MACROD2: variants seen among roughly 807,000 people sequenced by gnomAD.
MACROD2 encodes the protein ADP-ribose glycohydrolase MACROD2.
Under a neutral mutation model 70.4 loss-of-function variants are expected in MACROD2, and 36 were observed. The observed-to-expected ratio is 0.51, with a 90% CI of 0.39 to 0.68. MACROD2 has a LOEUF of 0.68. Ranked by LOEUF, MACROD2 falls within the 30% of genes least tolerant of loss-of-function variation. The probability of loss-of-function intolerance (pLI) is 0.00; values close to 1 mark genes in which losing one functional copy is unlikely to be tolerated. For synonymous variants in MACROD2, 172 were observed against 178.8 expected (o/e 0.96, Z 0.30); for missense variants, 496 against 538.4 (o/e 0.92, Z 0.78).
chr20:14,683,732 A>G (rs2070963846), intron 4 of MACROD2, among the ~76,000 whole-genome samples: 1 of 152,184 alleles, frequency 6.6e-6, no homozygotes, highest in Admixed American at 6.5e-5. Flanking sequence ...GATAATGATA[A>G]TAAAGATCAA....
chr20:14,648,910 C>T (rs1296907707), intron 4 of MACROD2, among the ~76,000 whole-genome samples: 1 of 152,170 alleles, frequency 6.6e-6, no homozygotes, highest in African/African-American at 2.4e-5. Flanking sequence ...TCCTTTCTCT[C>T]ATCTGGAAAA....
chr20:14,535,267 G>C (rs529835921), intron 4 of MACROD2, among the ~76,000 whole-genome samples: 231 of 152,240 alleles, frequency 1.5e-3, no homozygotes, highest in African/African-American at 5.2e-3. Context: ...ACTTTGGGAG[G>C]CTGAGGCGGG....
At chr20:14,422,796 A>C (rs2083890052) in intron 3 of MACROD2, among the ~76,000 whole-genome samples, 1 of 152,242 alleles carries the variant, frequency 6.6e-6, no homozygotes, top group Non-Finnish European at 1.5e-5. Context: ...AAATAGAGTC[A>C]CAAACCAAAA....
In MACROD2 at chr20:13,995,758, G is replaced by T. The variant is rs200598669; in HGVS notation, c.-6G>T. 1 of 1,376,724 alleles carries T rather than the reference G, an allele frequency of 7.3e-7. No homozygotes were observed. The highest frequency in any genetic ancestry group is 1.5e-5 in the African/African-American group (1 of 66,932). The allele number at this position is 1,376,724 out of a possible 1,614,324, so 85.3% of individuals were successfully genotyped here. ...GCAGCTTAAAGCCAGCCACCCCCAC[G>T]GCAACATGTACCCCAGCAACAAGAA... On this transcript the variant is annotated 5_prime_UTR_variant, in exon 1 of 18. Coordinates refer to ENST00000684519, the MANE Select transcript of MACROD2 (RefSeq NM_001351661.2). This position sits in a 1 kb window ranked among gnomAD's most constrained non-coding sequence, Gnocchi z 4.3.
intron 6 of MACROD2, among the ~76,000 whole-genome samples, chr20:15,237,805 A>G (rs1250217180): frequency 6.7e-6 from 1 of 149,776 alleles, no homozygotes; most frequent in South Asian, 2.1e-4. Flanking sequence ...TTTTTTTTTT[A>G]TCTTTCCCCC....
At chr20:14,857,810 G>GTTTGTCTTGTTTTGT (rs2073271407) in intron 5 of MACROD2, among the ~76,000 whole-genome samples, 1 of 151,022 alleles carries the variant, frequency 6.6e-6, no homozygotes, top group African/African-American at 2.4e-5. Flanking sequence ...TGCTTTTTTT[G>GTTTGTCTTGTTTTGT]TTTGTTTTGT....
At chr20:15,752,550 C>G (rs2051288565) in intron 8 of MACROD2, among the ~76,000 whole-genome samples, 1 of 152,128 alleles carries the variant, frequency 6.6e-6, no homozygotes, top group African/African-American at 2.4e-5. Context: ...ACCAGTTTCT[C>G]TATCAAAGGT....
intron 8 of MACROD2, among the ~76,000 whole-genome samples, chr20:15,632,893 C>T (rs1439454006): frequency 6.6e-6 from 1 of 151,302 alleles, no homozygotes; most frequent in Non-Finnish European, 1.5e-5. Flanking sequence ...TCCCTTCCAT[C>T]CTTCTTTCGT....
At chr20:15,835,268 A>G (rs1209650191) in intron 8 of MACROD2, among the ~76,000 whole-genome samples, 1 of 152,178 alleles carries the variant, frequency 6.6e-6, no homozygotes, top group Non-Finnish European at 1.5e-5. Context: ...TAATTCAGTA[A>G]TTACTTATTG....
chr20:14,118,155 A>G (rs6042540), intron 3 of MACROD2, among the ~76,000 whole-genome samples: 151,380 of 152,354 alleles, frequency 0.99, 75,215 homozygotes, highest in East Asian at 1. Context: ...TATATTAACC[A>G]TTTGTGGTAT....
At chr20:15,738,834 T>A (rs1298148599) in intron 8 of MACROD2, among the ~76,000 whole-genome samples, 1 of 152,038 alleles carries the variant, frequency 6.6e-6, no homozygotes, top group Admixed American at 6.6e-5. Context: ...TTGAAACAGA[T>A]GTTCTGTCGG....
chr20:15,510,498 T>C, intron 8 of MACROD2, among the ~76,000 whole-genome samples: 1 of 152,160 alleles, frequency 6.6e-6, no homozygotes, highest in East Asian at 1.9e-4. Context: ...CTAGTGGAAG[T>C]AAATGATTTG....
intron 5 of MACROD2, among the ~76,000 whole-genome samples, chr20:15,177,406 T>C (rs2076470438): frequency 1.3e-5 from 2 of 152,354 alleles, no homozygotes; most frequent in Admixed American, 6.5e-5. Context: ...ATTGTCATTG[T>C]GTATGCATTT....
intron 5 of MACROD2, among the ~76,000 whole-genome samples, chr20:14,834,396 G>C (rs1248820406): frequency 1.3e-5 from 2 of 151,874 alleles, no homozygotes; most frequent in Non-Finnish European, 1.5e-5. Context: ...GCCTTGTCAT[G>C]AATCAGTTTA....
intron 5 of MACROD2, among the ~76,000 whole-genome samples, chr20:15,030,480 G>C (rs1383639803): frequency 6.6e-6 from 1 of 152,136 alleles, no homozygotes; most frequent in African/African-American, 2.4e-5. Flanking sequence ...TCTACACAAT[G>C]TCCCAGAAAT....
At chr20:14,026,862 G>A (rs1373011947) in intron 2 of MACROD2, among the ~76,000 whole-genome samples, 1 of 152,182 alleles carries the variant, frequency 6.6e-6, no homozygotes, top group Admixed American at 6.5e-5. Context: ...AGGGGCGGCT[G>A]TGAGTGCAGC....
At chr20:14,655,498 C>T (rs541767302) in intron 4 of MACROD2, among the ~76,000 whole-genome samples, 88 of 152,066 alleles carry the variant, frequency 5.8e-4, no homozygotes, top group African/African-American at 2.0e-3. Context: ...TTGGTCGGGT[C>T]TTGGTGTTAA....
At chr20:14,926,692 A>G (rs2074237141) in intron 5 of MACROD2, among the ~76,000 whole-genome samples, 1 of 152,188 alleles carries the variant, frequency 6.6e-6, no homozygotes. Context: ...AATCAGAGCC[A>G]ACCCAGAGTG....
chr20:15,761,575 T>G (rs1288258200), intron 8 of MACROD2, among the ~76,000 whole-genome samples: 1 of 152,186 alleles, frequency 6.6e-6, no homozygotes, highest in Non-Finnish European at 1.5e-5. Flanking sequence ...TACACGTATA[T>G]CCACATTTTG....
Sources: gnomAD v4.1 joint callset for allele counts (sites outside exome capture counted in the v4.1 genomes callset) on GRCh38, gnomAD v4.1.1 for gene constraint, Gnocchi (gnomAD v3.1) non-coding constraint, MANE v1.5 for transcripts, NCBI Gene and HGNC (gene_info 2026-07-23, HGNC 2026-07-21) for gene names.